Variants in GRIN2A observed in about 807,000 individuals in gnomAD.
GRIN2A encodes the protein glutamate ionotropic receptor NMDA type subunit 2A.
A neutral mutation model predicts 113.4 loss-of-function variants in GRIN2A; 22 were observed. That is an observed-to-expected ratio of 0.19 (90% confidence interval 0.14 to 0.28). The LOEUF (loss-of-function observed/expected upper bound fraction) is 0.28, where lower values mean the gene tolerates loss of function less well. GRIN2A is among the 10% of genes least tolerant of loss of function. The pLI is 1.00. For missense variants in GRIN2A, 1,502 were observed against 1,887.0 expected, an observed-to-expected ratio of 0.80 and a Z score of 3.78; for synonymous variants, 827 against 738.4, an observed-to-expected ratio of 1.12 and a Z score of -1.94.
At chr16:9,927,140 T>C (rs1311823334) in intron 3 of GRIN2A, among the ~76,000 whole-genome samples, 1 of 152,254 alleles carries the variant, frequency 6.6e-6, no homozygotes, top group Non-Finnish European at 1.5e-5. Context: ...ACTCTAGCAT[T>C]CATTTACCTC....
At chr16:9,826,631 T>G (rs1567326993) in intron 9 of GRIN2A, among the ~76,000 whole-genome samples, 1 of 152,228 alleles carries the variant, frequency 6.6e-6, no homozygotes, top group Non-Finnish European at 1.5e-5. Context: ...GTATCTTCTA[T>G]TAATCTTCTG....
chr16:9,803,106 G>GA (rs1335349305), intron 10 of GRIN2A, among the ~76,000 whole-genome samples: 1 of 152,174 alleles, frequency 6.6e-6, no homozygotes, highest in Non-Finnish European at 1.5e-5. Flanking sequence ...TTTTCCCTAT[G>GA]AAAAATGGAG....
chr16:9,930,141 G>T (rs2044555480), intron 3 of GRIN2A, among the ~76,000 whole-genome samples: 1 of 152,144 alleles, frequency 6.6e-6, no homozygotes, highest in Non-Finnish European at 1.5e-5. Flanking sequence ...TGAACACCCA[G>T]CAAGCTCAGC....
At chr16:10,162,149 T>G (rs1191371643) in intron 2 of GRIN2A, among the ~76,000 whole-genome samples, 2 of 152,132 alleles carry the variant, frequency 1.3e-5, no homozygotes, top group African/African-American at 4.8e-5. Flanking sequence ...GCATTGAACC[T>G]AGAAGTCCTA....
intron 2 of GRIN2A, among the ~76,000 whole-genome samples, chr16:10,172,878 ACT>A (rs1482521866): frequency 1.3e-5 from 2 of 152,022 alleles, no homozygotes; most frequent in Non-Finnish European, 2.9e-5. Flanking sequence ...GAGGCTACCA[ACT>A]CTCTATTACA....
intron 8 of GRIN2A, among the ~76,000 whole-genome samples, chr16:9,831,591 C>T (rs2042497315): frequency 6.6e-6 from 1 of 150,682 alleles, no homozygotes; most frequent in Admixed American, 6.6e-5. Context: ...TCTCGGCTCA[C>T]TGCAGCCTCC....
intron 2 of GRIN2A, chr16:10,111,715 C>T: frequency 1.3e-6 from 2 of 1,547,506 alleles, no homozygotes; most frequent in Non-Finnish European, 1.8e-6. Flanking sequence ...GAAGTTTGAA[C>T]AGGGCTTCAT....
intron 2 of GRIN2A, among the ~76,000 whole-genome samples, chr16:10,072,946 C>CCCCTTTTTTTTTT (rs565877354): frequency 9.6e-6 from 1 of 104,230 alleles, no homozygotes; most frequent in African/African-American, 3.7e-5. Flanking sequence ...ACAAGACCCC[C>CCCCTTTTTTTTTT]TTTTTTTTTT....
intron 2 of GRIN2A, among the ~76,000 whole-genome samples, chr16:10,001,651 T>TTGCTTCCTTTGGCTC (rs2046322152): frequency 6.6e-6 from 1 of 152,202 alleles, no homozygotes; most frequent in Admixed American, 6.5e-5. Context: ...CTCATCGTTC[T>TTGCTTCCTTTGGCTC]TAACTATGAT....
chr16:9,917,639 T>A (rs2044277653), intron 3 of GRIN2A, among the ~76,000 whole-genome samples: 1 of 152,238 alleles, frequency 6.6e-6, no homozygotes, highest in Non-Finnish European at 1.5e-5. Flanking sequence ...GACTCTTCAG[T>A]CAAATAAAAT....
intron 4 of GRIN2A, among the ~76,000 whole-genome samples, chr16:9,869,093 G>A (rs978029091): frequency 3.3e-5 from 5 of 152,006 alleles, no homozygotes; most frequent in Non-Finnish European, 1.5e-5. Flanking sequence ...TATGGCCCTC[G>A]TACCCAGCCC....
In GRIN2A at chr16:9,937,952, T is replaced by C; in HGVS notation, c.1007+7A>G. On this transcript the variant is annotated splice_region_variant and intron_variant, in intron 3 of 12. Transcript: ENST00000330684. Reference sequence around the variant, plus strand: ...CCCACTTTGGGAGACAACAAGCCCTTTCTTACGGGTGCAAGGTGTGCATCG... The same window carrying C: ...CCCACTTTGGGAGACAACAAGCCCTCTCTTACGGGTGCAAGGTGTGCATCG... 3.7e-6 allele frequency: 6 copies of C among 1,606,616 alleles called. No individual in the cohort carries two copies. The highest frequency in any genetic ancestry group is 4.3e-6 in the Non-Finnish European group (5 of 1,173,440).
intron 2 of GRIN2A, among the ~76,000 whole-genome samples, chr16:10,074,101 A>G (rs1249626530): frequency 6.6e-6 from 1 of 152,244 alleles, no homozygotes; most frequent in Non-Finnish European, 1.5e-5. Context: ...ATGGCATACA[A>G]ACAGCCACTA....
At chr16:10,006,616 C>G (rs150335429) in intron 2 of GRIN2A, among the ~76,000 whole-genome samples, 1 of 152,266 alleles carries the variant, frequency 6.6e-6, no homozygotes, top group East Asian at 1.9e-4. Context: ...AAGCATTCAT[C>G]ATTTCTTTCA....
intron 2 of GRIN2A, among the ~76,000 whole-genome samples, chr16:10,075,468 G>C (rs2047852556): frequency 1.3e-5 from 2 of 152,116 alleles, no homozygotes; most frequent in South Asian, 2.1e-4. Flanking sequence ...GTGATTGCAA[G>C]TAAGTACAGA....
rs2141116900 is a variant in GRIN2A, at chr16:9,759,278, C to A, written c.*3871G>T. The A allele has an allele frequency of 4.5e-6, 1 of 220,620 alleles. No homozygotes were observed. Among genetic ancestry groups the A allele is most frequent in the Admixed American group, 5.8e-5 (1 of 17,354 alleles). The allele number at this position is 220,620 out of a possible 1,614,324, so 13.7% of individuals were successfully genotyped here. A position where few individuals can be genotyped will look rare whatever the true frequency, so the allele number is the denominator to read the frequency against. ...TTTAAAGGAGATAAATTTTTAATCACCATTTAATTAACATCAACATTTTTT... is the reference window on the plus strand; with the variant it reads ...TTTAAAGGAGATAAATTTTTAATCAACATTTAATTAACATCAACATTTTTT... On this transcript the variant is annotated 3_prime_UTR_variant, in exon 13 of 13. Coordinates refer to ENST00000330684, the MANE Select transcript of GRIN2A (RefSeq NM_001134407.3).
At chr16:9,987,680 G>T (rs1428074856) in intron 2 of GRIN2A, among the ~76,000 whole-genome samples, 1 of 152,164 alleles carries the variant, frequency 6.6e-6, no homozygotes, top group African/African-American at 2.4e-5. Context: ...GAAAGATGGA[G>T]AAGGTCTCAT....
At chr16:10,171,087 C>T (rs980088486) in intron 2 of GRIN2A, among the ~76,000 whole-genome samples, 5 of 152,122 alleles carry the variant, frequency 3.3e-5, no homozygotes, top group African/African-American at 7.2e-5. Context: ...AAAATATGAA[C>T]ATCAAAATCT....
At chr16:9,997,202 C>T (rs1295136725) in intron 2 of GRIN2A, among the ~76,000 whole-genome samples, 1 of 152,164 alleles carries the variant, frequency 6.6e-6, no homozygotes, top group Non-Finnish European at 1.5e-5. Context: ...TGGAACAAAC[C>T]AGTAATCACT....
Sources: allele counts gnomAD v4.1 joint callset (sites outside exome capture counted in the v4.1 genomes callset), GRCh38; gene constraint gnomAD v4.1.1; transcripts MANE v1.5; gene names NCBI Gene and HGNC (gene_info 2026-07-23, HGNC 2026-07-21).